Variants in GABRA4 observed in about 807,000 individuals in gnomAD.
GABRA4 encodes the protein gamma-aminobutyric acid type A receptor subunit alpha4, also known as gamma-aminobutyric acid receptor subunit alpha-4.
In GABRA4, 12 loss-of-function variants were observed where a neutral mutation model predicts 49.7. The observed-to-expected ratio is 0.24, with a 90% confidence interval of 0.15 to 0.39. The LOEUF (loss-of-function observed/expected upper bound fraction) is 0.39, where lower values mean the gene tolerates loss of function less well. GABRA4 is among the 10% of genes least tolerant of loss of function. GABRA4 has a pLI of 1.00. For missense variants in GABRA4, 506 were observed against 686.0 expected, an observed-to-expected ratio of 0.74 and a Z score of 2.93; for synonymous variants, 288 against 240.2, an observed-to-expected ratio of 1.20 and a Z score of -1.84.
intron 8 of GABRA4, among the ~76,000 whole-genome samples, chr4:46,954,534 G>A (rs1192780214): frequency 1.4e-5 from 2 of 147,980 alleles, no homozygotes; most frequent in Non-Finnish European, 3.0e-5. Context: ...TCCAGCCTGG[G>A]CAACAATAGT....
chr4:46,964,173 C>T (rs1204092663), intron 8 of GABRA4, among the ~76,000 whole-genome samples: 1 of 151,734 alleles, frequency 6.6e-6, no homozygotes, highest in Admixed American at 6.6e-5. Flanking sequence ...AAAGATAAAC[C>T]TTGCATGTTC....
rs3920214 is a variant in GABRA4, at chr4:46,924,886, A to G, written c.*3339T>C. The stretch of plus-strand genomic sequence containing the variant: ...TCCTCCCTGTTATAAATGAGGAATC[A>G]GTCTTAGAGAGGTTAAGAGACTTGT... On this transcript the variant is annotated 3_prime_UTR_variant, in exon 9 of 9. Transcript: ENST00000264318. 1 of 151,896 alleles carries G rather than the reference A, an allele frequency of 6.6e-6. No individual in the cohort carries two copies. The highest frequency in any genetic ancestry group is 1.5e-5 in the Non-Finnish European group (1 of 67,890). 9.4% of individuals were successfully genotyped at this position (151,896 alleles called of 1,614,324 possible). A position where few individuals can be genotyped will look rare whatever the true frequency, so the allele number is the denominator to read the frequency against.
At chr4:46,933,905 C>T (rs2109340127) in intron 8 of GABRA4, among the ~76,000 whole-genome samples, 1 of 152,286 alleles carries the variant, frequency 6.6e-6, no homozygotes, top group Non-Finnish European at 1.5e-5. Context: ...TAGATTTAAA[C>T]ATTACCAACA....
At chr4:46,956,931 G>C (rs943040804) in intron 8 of GABRA4, among the ~76,000 whole-genome samples, 3 of 151,992 alleles carry the variant, frequency 2.0e-5, no homozygotes, top group African/African-American at 4.8e-5. Context: ...TTTTATTAAT[G>C]AGCTTGCCAT....
At chr4:46,987,334 A>T (rs975915912) in intron 2 of GABRA4, among the ~76,000 whole-genome samples, 2 of 152,150 alleles carry the variant, frequency 1.3e-5, no homozygotes, top group Admixed American at 1.3e-4. Flanking sequence ...TTCAAACAGC[A>T]CCTTCTTAGT....
chr4:46,973,528 T>G (rs1723030128), intron 6 of GABRA4, among the ~76,000 whole-genome samples: 3 of 151,854 alleles, frequency 2.0e-5, no homozygotes, highest in African/African-American at 7.2e-5. Context: ...GCCGCCCTAT[T>G]TGTGTTGTTT....
At chr4:46,958,106 C>T (rs978927280) in intron 8 of GABRA4, among the ~76,000 whole-genome samples, 2 of 151,726 alleles carry the variant, frequency 1.3e-5, no homozygotes, top group Non-Finnish European at 2.9e-5. Context: ...ATATTAAATG[C>T]CATAGAATTG....
intron 8 of GABRA4, among the ~76,000 whole-genome samples, chr4:46,954,942 G>A (rs985654485): frequency 6.6e-6 from 1 of 152,082 alleles, no homozygotes; most frequent in African/African-American, 2.4e-5. Context: ...ATAAAATTAT[G>A]TGTATAACAA....
At chr4:46,957,081 A>G (rs966565538) in intron 8 of GABRA4, among the ~76,000 whole-genome samples, 5 of 152,034 alleles carry the variant, frequency 3.3e-5, no homozygotes, top group African/African-American at 9.6e-5. Flanking sequence ...GATACTATTT[A>G]CTGGTCACTA....
At position 46,928,767 on chromosome 4, in the gene GABRA4, T is replaced by C. The variant is rs778083870; in HGVS notation, c.1135-12A>G. ...TTGGCATTTGTATTCTGAAAAGGTATATGAAAAAATATATTGGTTATGTAA... is the reference window on the plus strand; with the variant it reads ...TTGGCATTTGTATTCTGAAAAGGTACATGAAAAAATATATTGGTTATGTAA... On this transcript the variant is annotated splice_polypyrimidine_tract_variant and intron_variant, in intron 8 of 8. Coordinates refer to ENST00000264318, the MANE Select transcript of GABRA4 (RefSeq NM_000809.4). 2.6e-6 allele frequency: 4 copies of C among 1,551,560 alleles called. No individual in the cohort carries two copies. The East Asian group carries it at 6.8e-5, about 26-fold the overall frequency.
rs73813766 is a variant in GABRA4, at chr4:46,993,103, C to A, written c.87-157G>T. Among the ~76,000 whole-genome samples the A allele has an allele frequency of 5.7e-3, 867 of 152,194 alleles. 12 individuals are homozygous for A. Among genetic ancestry groups the A allele is most frequent in the African/African-American group, 0.019 (804 of 41,518 alleles). On this transcript the variant is annotated intron_variant, in intron 1 of 8. Transcript: ENST00000264318. Reference sequence around the variant, plus strand: ...TTGGGATGCAGAAGACAGAAATGGTCAGGAAAAGCGCGCCCCGCCGCAAGA... The same window carrying A: ...TTGGGATGCAGAAGACAGAAATGGTAAGGAAAAGCGCGCCCCGCCGCAAGA...
rs148039186 is a variant in GABRA4 at position 46,977,566 on chromosome 4, G to T, written c.338C>A (p.Pro113His). The change falls in exon 4 of 9, where the codon CCC (proline) becomes CAC (histidine). Residue 113 changes from proline (P) to histidine (H), a missense_variant. By Grantham distance (77) the Pro-to-His change is moderately conservative (BLOSUM62 -2). Coordinates refer to ENST00000264318, the MANE Select transcript of GABRA4 (RefSeq NM_000809.4). ...WIDKRLKYDG[P>H]IEILRLNNMM... ...ATTGTTCAATCTCAAAATTTCAATG[G>T]GGCCGTCATATTTTAATCTTTTGTC... The T allele has an allele frequency of 6.2e-7, 1 of 1,612,812 alleles. No homozygotes were observed. The highest frequency in any genetic ancestry group is 8.5e-7 in the Non-Finnish European group (1 of 1,179,426).
chr4:46,992,609 T>G, intron 2 of GABRA4: 4 of 561,228 alleles, frequency 7.1e-6, no homozygotes, highest in Middle Eastern at 4.8e-4. Context: ...GTAATTAGTG[T>G]GGGGGAGAGG....
At chr4:46,974,611 A>T (rs904016592) in intron 5 of GABRA4, among the ~76,000 whole-genome samples, 1 of 151,936 alleles carries the variant, frequency 6.6e-6, no homozygotes, top group African/African-American at 2.4e-5. Flanking sequence ...TTTTATGCCA[A>T]ATAAAGGAGG....
chr4:46,963,495 T>G (rs570212697), intron 8 of GABRA4, among the ~76,000 whole-genome samples: 20 of 151,886 alleles, frequency 1.3e-4, no homozygotes, highest in African/African-American at 4.8e-4. Context: ...TTCTTCCTCA[T>G]TTTTCTCTTA....
intron 2 of GABRA4, among the ~76,000 whole-genome samples, chr4:46,986,002 T>G (rs1723521810): frequency 6.6e-6 from 1 of 151,992 alleles, no homozygotes; most frequent in Admixed American, 6.6e-5. Context: ...TTTCTCTTTC[T>G]CTTCTATATT....
At chr4:46,932,445 T>G (rs1174581918) in intron 8 of GABRA4, among the ~76,000 whole-genome samples, 1 of 152,122 alleles carries the variant, frequency 6.6e-6, no homozygotes, top group Non-Finnish European at 1.5e-5. Flanking sequence ...CTGCACATAT[T>G]TGAGTCAGTC....
chr4:46,986,393 A>C (rs1299541077), intron 2 of GABRA4, among the ~76,000 whole-genome samples: 1 of 152,000 alleles, frequency 6.6e-6, no homozygotes, highest in Non-Finnish European at 1.5e-5. Flanking sequence ...GGAGCATTTG[A>C]CTAAATCAAC....
At chr4:46,950,745 A>C (rs28684796) in intron 8 of GABRA4, among the ~76,000 whole-genome samples, 1 of 151,224 alleles carries the variant, frequency 6.6e-6, no homozygotes, top group African/African-American at 2.4e-5. Context: ...ATAAATAAAT[A>C]AATTACTATA....
Sources: gnomAD v4.1 joint callset for allele counts (sites outside exome capture counted in the v4.1 genomes callset) on GRCh38, gnomAD v4.1.1 for gene constraint, MANE v1.5 for transcripts, NCBI Gene and HGNC (gene_info 2026-07-23, HGNC 2026-07-21) for gene names.